VPS13D: variants seen among roughly 807,000 people sequenced by gnomAD.
VPS13D encodes intermembrane lipid transfer protein VPS13D.
A neutral mutation model predicts 461.9 loss-of-function variants in VPS13D; 187 were observed. The ratio of observed to expected loss-of-function variants is 0.40; its 90% CI spans 0.36 to 0.46. The LOEUF is 0.46. Ranked by LOEUF, VPS13D falls within the 20% of genes least tolerant of loss-of-function variation. The pLI is 0.60. For synonymous variants in VPS13D, 1,951 were observed against 1,986.3 expected, an observed-to-expected ratio of 0.98 and a Z score of 0.47; for missense variants, 4,711 against 5,364.9, an observed-to-expected ratio of 0.88 and a Z score of 3.81.
chr1:12,494,704 G>A lies in VPS13D; in HGVS notation c.12663-2796G>A, dbSNP rs563710813. 5.9e-5 allele frequency among the ~76,000 whole-genome samples: 9 copies of A among 152,270 alleles called. No individual in the cohort carries two copies. In the South Asian group the frequency reaches 1.2e-3, roughly 21 times the overall value. On this transcript the variant is annotated intron_variant, in intron 67 of 69. Transcript: ENST00000620676. ...AGGGAAAGGCCTGTCATCAGTGTCC[G>A]CTTCAGGACACTGCCGTCATGTCCC...
At chr1:12,428,251 C>T (rs575842294) in intron 65 of VPS13D, among the ~76,000 whole-genome samples, 19 of 152,260 alleles carry the variant, frequency 1.2e-4, no homozygotes, top group Admixed American at 2.0e-4. Context: ...GAGGCCTCAG[C>T]GTGTCCTGAA....
Position 12,404,651 on chromosome 1 carries a change from A to AT in VPS13D, c.12030+688dup, listed in dbSNP as rs565545850. ...CCAAGCCTGTCTGACTCTAAAGTCTATTTTTTTTTTCACTATACTATGCTT... is the reference window on the plus strand; with the variant it reads ...CCAAGCCTGTCTGACTCTAAAGTCTATTTTTTTTTTTCACTATACTATGCTT... On this transcript the variant is annotated intron_variant, in intron 63 of 69. Coordinates refer to ENST00000620676, the MANE Select transcript of VPS13D (RefSeq NM_015378.4). 7.2e-3 allele frequency among the ~76,000 whole-genome samples: 1,084 copies of AT among 149,938 alleles called. 12 individuals are homozygous for AT. Among genetic ancestry groups the AT allele is most frequent in the Middle Eastern group, 0.014 (4 of 288 alleles).
intron 67 of VPS13D, among the ~76,000 whole-genome samples, chr1:12,491,866 C>T (rs1167333109): frequency 1.3e-5 from 2 of 152,224 alleles, no homozygotes; most frequent in African/African-American, 4.8e-5. Flanking sequence ...TAAACCGCAG[C>T]AGCTGAGGGC....
chr1:12,289,751 C>T (rs1474373948), intron 22 of VPS13D, among the ~76,000 whole-genome samples: 1 of 151,866 alleles, frequency 6.6e-6, no homozygotes, highest in Non-Finnish European at 1.5e-5. Flanking sequence ...GCCTGGGCAA[C>T]ATAGTGAGAC....
Position 12,386,322 on chromosome 1 carries a change from A to G in VPS13D, c.11622A>G (p.Ile3874Met). 6.2e-7 allele frequency: 1 copy of G among 1,605,726 alleles called. No individual in the cohort carries two copies. Among genetic ancestry groups the G allele is most frequent in the Non-Finnish European group, 8.5e-7 (1 of 1,176,852 alleles). The stretch of plus-strand genomic sequence containing the variant: ...CCAGTCACATGCTTGAACTCAGCAT[A>G]CAGGATGTACAGGTAAGGGGGAAGT... The part of the protein sequence containing the change: ...LATSHMLELS[I>M]QDVQVDNQLI... The change falls in exon 60 of 70, where the codon ATA becomes ATG. Residue 3874 changes from isoleucine (I) to methionine (M), a missense_variant. Physicochemically the swap from Ile to Met is conservative, Grantham distance 10. Around this residue, in one of 3 missense-constraint regions of VPS13D, gnomAD observed 4,411 missense variants for 4,937.8 expected, o/e 0.89. Transcript: ENST00000620676.
chr1:12,372,993 A>G (rs1429311037), intron 54 of VPS13D, among the ~76,000 whole-genome samples: 1 of 151,578 alleles, frequency 6.6e-6, no homozygotes, highest in Admixed American at 6.6e-5. Context: ...TTTCATCCTA[A>G]AGGGACTTCT....
rs2295338 is a variant in VPS13D at position 12,369,556 on chromosome 1, C to T, written c.10662C>T (p.Asp3554=). 0.04 allele frequency: 64,366 copies of T among 1,614,088 alleles called. 1,623 individuals are homozygous for T. The highest frequency in any genetic ancestry group is 0.11 in the African/African-American group (7,979 of 75,002). ...TGACTTCATTGGATTATGCCTGGGA[C>T]GAACCCACCTTGCCACCTTTTATCA... ...KPMTSLDYAW[D]EPTLPPFITL... The change falls in exon 54 of 70, where the codon GAC becomes GAT. Residue 3554 remains aspartate, a synonymous_variant. Transcript: ENST00000620676.
intron 65 of VPS13D, among the ~76,000 whole-genome samples, chr1:12,442,594 T>G (rs887535684): frequency 1.3e-5 from 2 of 151,940 alleles, no homozygotes; most frequent in Non-Finnish European, 2.9e-5. Context: ...ACTTTTTTTT[T>G]TTTTTTTTCC....
intron 65 of VPS13D, among the ~76,000 whole-genome samples, chr1:12,429,892 T>C (rs1644970201): frequency 6.6e-6 from 1 of 152,220 alleles, no homozygotes; most frequent in Non-Finnish European, 1.5e-5. Context: ...CTAGTCCCTT[T>C]TAATCTAATG....
intron 39 of VPS13D, 59 bp from the exon 40 acceptor site, chr1:12,338,172 G>C: frequency 4.8e-6 from 7 of 1,460,526 alleles, no homozygotes; most frequent in Non-Finnish European, 5.7e-6. Flanking sequence ...TTGGAAGCAA[G>C]TCTTCTTATT....
Position 12,322,765 on chromosome 1 carries a change from A to T in VPS13D, c.7915+19A>T. On this transcript the variant is annotated intron_variant, in intron 34 of 69. Transcript: ENST00000620676. The stretch of plus-strand genomic sequence containing the variant: ...GTCTTGGGTAGGTGTTTAACTATAA[A>T]ACCCACTCAGTCTTGCTAATAACGC... 1 of 1,609,776 alleles carries T rather than the reference A, an allele frequency of 6.2e-7. No homozygotes were observed. Among genetic ancestry groups the T allele is most frequent in the African/African-American group, 1.3e-5 (1 of 74,936 alleles).
chr1:12,409,904 A>T lies in VPS13D; in HGVS notation c.12031-5183A>T, dbSNP rs41279468. Reference sequence around the variant, plus strand: ...AGAGAAACTCAGTAAGGTGAGCCCAACATTTATTTTGCTTTTATTCTTGAG... The same window carrying T: ...AGAGAAACTCAGTAAGGTGAGCCCATCATTTATTTTGCTTTTATTCTTGAG... On this transcript the variant is annotated intron_variant, in intron 63 of 69. Coordinates refer to ENST00000620676, the MANE Select transcript of VPS13D (RefSeq NM_015378.4). 3,304 of 456,190 alleles carry T rather than the reference A, an allele frequency of 7.2e-3. 17 individuals carry two copies. Among genetic ancestry groups the T allele is most frequent in the Non-Finnish European group, 0.01 (2,361 of 226,916 alleles). The allele number at this position is 456,190 out of a possible 1,614,324, so 28.3% of individuals were successfully genotyped here.
chr1:12,254,248 C>G (rs913869495), intron 7 of VPS13D, among the ~76,000 whole-genome samples: 3 of 152,070 alleles, frequency 2.0e-5, no homozygotes, highest in African/African-American at 7.2e-5. Flanking sequence ...ACTCTGTTGT[C>G]CATGCTGGTC....
intron 10 of VPS13D, among the ~76,000 whole-genome samples, chr1:12,259,982 G>A (rs1465661299): frequency 4.7e-5 from 7 of 148,084 alleles, no homozygotes; most frequent in Non-Finnish European, 1.0e-4. Context: ...TGTCCAAAGT[G>A]TGGGTGCTGC....
intron 67 of VPS13D, among the ~76,000 whole-genome samples, chr1:12,466,497 A>G (rs1645484682): frequency 6.6e-6 from 1 of 152,210 alleles, no homozygotes; most frequent in African/African-American, 2.4e-5. Context: ...TTTATATTTT[A>G]TTCCATGTTT....
In VPS13D at chr1:12,492,069, CCA is replaced by C. The variant is rs1645890282; in HGVS notation, c.12663-5430_12663-5429del. ...TTTTGGCCACCTCTTGTTCGGTGAT[CCA>C]TTGTCCCCAGAATTATTGTATCAAG... On this transcript the variant is annotated intron_variant, in intron 67 of 69. Transcript: ENST00000620676. Among the ~76,000 whole-genome samples, 3 of 152,270 alleles carry C rather than the reference CCA, an allele frequency of 2.0e-5. No homozygotes were observed. The South Asian group carries it at 6.2e-4, about 32-fold the overall frequency.
At chr1:12,454,029 G>A (rs1287800144) in intron 65 of VPS13D, 2 of 152,180 alleles carry the variant, frequency 1.3e-5, no homozygotes, top group East Asian at 1.9e-4. Flanking sequence ...TCCCTCAAAC[G>A]CTGCAGGCAT....
At chr1:12,331,807 G>C (rs1197905088) in intron 37 of VPS13D, among the ~76,000 whole-genome samples, 1 of 148,186 alleles carries the variant, frequency 6.7e-6, no homozygotes, top group East Asian at 2.0e-4. Context: ...AGAATCATTT[G>C]TTTTCTTAGG....
rs757940674 is a variant in VPS13D, at chr1:12,348,845, G to A, written c.9092G>A (p.Arg3031Gln). ...CAGTTCTCTTCACTCCCACCAGTGCGGGTGGTCTTTGCAGTGACTATGGAA... is the reference window on the plus strand; with the variant it reads ...CAGTTCTCTTCACTCCCACCAGTGCAGGTGGTCTTTGCAGTGACTATGGAA... ...QVYFSSLPPV[R>Q]VVFAVTMEGS... The change falls in exon 45 of 70, where the codon CGG becomes CAG. Residue 3031 changes from arginine to glutamine, a missense_variant. Arg to Gln is a conservative substitution (Grantham distance 43). Coordinates refer to ENST00000620676, the MANE Select transcript of VPS13D (RefSeq NM_015378.4). 3.7e-6 allele frequency: 6 copies of A among 1,614,034 alleles called. No individual in the cohort carries two copies. The highest frequency in any genetic ancestry group is 2.2e-5 in the South Asian group (2 of 91,064).
Sources: gnomAD v4.1 joint callset for allele counts (sites outside exome capture counted in the v4.1 genomes callset) on GRCh38, gnomAD v4.1.1 for gene constraint, gnomAD v4.1.1 regional missense constraint, MANE v1.5 for transcripts, NCBI Gene and HGNC (gene_info 2026-07-23, HGNC 2026-07-21) for gene names.